The following CSMD1 variants were observed in gnomAD, a reference collection of about 807,000 sequenced individuals.
CSMD1 encodes CUB and sushi domain-containing protein 1.
In CSMD1, 213 loss-of-function variants were observed where a neutral mutation model predicts 417.5. The ratio of observed to expected loss-of-function variants is 0.51; its 90% CI spans 0.46 to 0.57. The LOEUF (loss-of-function observed/expected upper bound fraction) is 0.57, where lower values mean the gene tolerates loss of function less well. CSMD1 is among the 20% of genes least tolerant of loss of function. The probability of loss-of-function intolerance (pLI) is 0.00; values close to 1 mark genes in which losing one functional copy is unlikely to be tolerated. For missense variants in CSMD1, 6,923 were observed against 4,529.7 expected (o/e 1.53, Z -15.17); for synonymous variants, 2,862 against 1,736.8 (o/e 1.65, Z -16.11).
chr8:2,995,038 G>A (rs1219964490), intron 54 of CSMD1, among the ~76,000 whole-genome samples: 2 of 152,124 alleles, frequency 1.3e-5, no homozygotes, highest in Non-Finnish European at 2.9e-5. Flanking sequence ...CCATGACCCA[G>A]AAAAAGAAAA....
intron 2 of CSMD1, among the ~76,000 whole-genome samples, chr8:4,442,274 C>T (rs571228793): frequency 1.2e-4 from 19 of 152,072 alleles, no homozygotes; most frequent in African/African-American, 4.6e-4. Context: ...GTTTTTATAA[C>T]AGTAAAAAAA....
chr8:4,859,169 G>T (rs1295291038), intron 1 of CSMD1, among the ~76,000 whole-genome samples: 1 of 151,864 alleles, frequency 6.6e-6, no homozygotes, highest in East Asian at 2.0e-4. Context: ...ATGGGGAAAG[G>T]ATTCCCTATT....
intron 10 of CSMD1, among the ~76,000 whole-genome samples, chr8:3,571,087 C>G (rs542593401): frequency 6.6e-6 from 1 of 152,306 alleles, no homozygotes; most frequent in Non-Finnish European, 1.5e-5. Flanking sequence ...TCTTTTAAAA[C>G]TCTGTAATGG....
intron 3 of CSMD1, among the ~76,000 whole-genome samples, chr8:4,232,089 G>C (rs995961322): frequency 2.0e-5 from 3 of 152,186 alleles, no homozygotes; most frequent in African/African-American, 4.8e-5. Flanking sequence ...TGTAGTACTT[G>C]ATCACATTCA....
At chr8:4,687,400 C>G (rs981643655) in intron 1 of CSMD1, among the ~76,000 whole-genome samples, 3 of 152,018 alleles carry the variant, frequency 2.0e-5, no homozygotes, top group African/African-American at 7.2e-5. Flanking sequence ...CATAAAAATA[C>G]GTACTAGAGT....
At chr8:4,453,630 G>C (rs560450688) in intron 2 of CSMD1, among the ~76,000 whole-genome samples, 4 of 151,948 alleles carry the variant, frequency 2.6e-5, no homozygotes, top group Admixed American at 2.6e-4. Flanking sequence ...GAAATGTATA[G>C]AACTGGCATG....
chr8:4,045,688 G>C (rs1313000437), intron 3 of CSMD1, among the ~76,000 whole-genome samples: 2 of 152,178 alleles, frequency 1.3e-5, no homozygotes, highest in African/African-American at 2.4e-5. Context: ...GAGAACCTAA[G>C]AGTCAAAGCA....
chr8:4,421,547 C>G (rs962191038), intron 2 of CSMD1, among the ~76,000 whole-genome samples: 4 of 152,012 alleles, frequency 2.6e-5, no homozygotes, highest in East Asian at 1.9e-4. Flanking sequence ...AGAAAAATAT[C>G]TAATTACTTG....
At chr8:3,017,686 G>A (rs1808960250) in intron 52 of CSMD1, among the ~76,000 whole-genome samples, 1 of 151,744 alleles carries the variant, frequency 6.6e-6, no homozygotes, top group South Asian at 2.1e-4. Flanking sequence ...TCTCCCAAAT[G>A]AAAAGAAGAA....
At chr8:3,354,448 A>C (rs944543237) in intron 21 of CSMD1, among the ~76,000 whole-genome samples, 4 of 118,754 alleles carry the variant, frequency 3.4e-5, no homozygotes, top group South Asian at 2.8e-4. Flanking sequence ...AAACAGCTCA[A>C]CTAAGAAACA....
chr8:4,617,638 G>C (rs1337476622), intron 2 of CSMD1, among the ~76,000 whole-genome samples: 1 of 152,162 alleles, frequency 6.6e-6, no homozygotes, highest in Non-Finnish European at 1.5e-5. Context: ...ACTCTTCCCA[G>C]ATCTCCATGT....
intron 3 of CSMD1, among the ~76,000 whole-genome samples, chr8:4,184,782 C>A (rs1798569916): frequency 2.0e-5 from 3 of 151,936 alleles, no homozygotes; most frequent in East Asian, 3.9e-4. Context: ...ATCTGTACCA[C>A]AACCTGTGAC....
chr8:4,069,564 G>A (rs1210460928), intron 3 of CSMD1, among the ~76,000 whole-genome samples: 2 of 152,128 alleles, frequency 1.3e-5, no homozygotes, highest in Non-Finnish European at 2.9e-5. Flanking sequence ...CCCATTCACA[G>A]GCATCCATGC....
intron 68 of CSMD1, among the ~76,000 whole-genome samples, chr8:2,945,404 A>G (rs1193840817): frequency 6.6e-6 from 1 of 152,204 alleles, no homozygotes; most frequent in Non-Finnish European, 1.5e-5. Flanking sequence ...ATATAACAGC[A>G]TTTATTTAGC....
At chr8:4,456,733 C>G (rs1263086601) in intron 2 of CSMD1, among the ~76,000 whole-genome samples, 2 of 152,086 alleles carry the variant, frequency 1.3e-5, no homozygotes, top group Admixed American at 1.3e-4. Context: ...TGCATCAGTC[C>G]TTACTGTCTA....
intron 1 of CSMD1, among the ~76,000 whole-genome samples, chr8:4,929,957 T>A (rs1807137991): frequency 6.6e-6 from 1 of 152,190 alleles, no homozygotes; most frequent in African/African-American, 2.4e-5. Context: ...GAAGCTACAG[T>A]TTTCTGTTGT....
At chr8:3,249,946 T>C (rs545396063) in intron 26 of CSMD1, among the ~76,000 whole-genome samples, 1 of 152,358 alleles carries the variant, frequency 6.6e-6, no homozygotes, top group Admixed American at 6.5e-5. Flanking sequence ...GACAAAATTA[T>C]TATATTTTGC....
chr8:4,824,195 T>C (rs1799682709), intron 1 of CSMD1, among the ~76,000 whole-genome samples: 1 of 152,032 alleles, frequency 6.6e-6, no homozygotes, highest in South Asian at 2.1e-4. Context: ...GTTTAATTCA[T>C]TCTCTACCTA....
rs953091864 is a variant in CSMD1 at position 4,942,233 on chromosome 8, T to C, written c.85+52099A>G. On this transcript the variant is annotated intron_variant, in intron 1 of 69. Coordinates refer to ENST00000635120, the MANE Select transcript of CSMD1 (RefSeq NM_033225.6). ...ACACATATAAACCAGGCTTCACTCT[T>C]ATTTTTTCCCTGTTCTGAAATCACT... 6.6e-5 allele frequency among the ~76,000 whole-genome samples: 10 copies of C among 152,286 alleles called. No homozygotes were observed. The East Asian group carries it at 9.7e-4, about 15-fold the overall frequency.
Sources: allele counts gnomAD v4.1 joint callset (sites outside exome capture counted in the v4.1 genomes callset), GRCh38; gene constraint gnomAD v4.1.1; transcripts MANE v1.5; gene names NCBI Gene and HGNC (gene_info 2026-07-23, HGNC 2026-07-21).